Variants in CSTF3 observed in about 807,000 individuals in gnomAD.
CSTF3 encodes CF-1 77 kDa subunit.
In CSTF3, 29 loss-of-function variants were observed where a neutral mutation model predicts 105.8. The ratio of observed to expected loss-of-function variants is 0.27; its 90% CI spans 0.20 to 0.37. The LOEUF (loss-of-function observed/expected upper bound fraction) is 0.37. Among genes scored for constraint, CSTF3 ranks in the 10% least tolerant of loss-of-function variants. CSTF3 has a pLI of 1.00. For synonymous variants in CSTF3, 252 were observed against 281.9 expected (o/e 0.89, Z 1.06); for missense variants, 357 against 879.3 (o/e 0.41, Z 7.51).
At chr11:33,149,490 T>C (rs1051125740) in intron 1 of CSTF3, among the ~76,000 whole-genome samples, 18 of 152,208 alleles carry the variant, frequency 1.2e-4, no homozygotes, top group Non-Finnish European at 5.9e-5. Flanking sequence ...GTTACCATAA[T>C]GCTACTGGGC....
rs564139223 is a variant in CSTF3, at chr11:33,114,621, C to T, written c.226-6203G>A. On this transcript the variant is annotated intron_variant, in intron 3 of 20. Transcript: ENST00000323959. Reference sequence around the variant, plus strand: ...ATCCCAGCACTTTGGGAGGCCGAGGCGGGTGGATCACCTGAGGTCCGGAGT... The same window carrying T: ...ATCCCAGCACTTTGGGAGGCCGAGGTGGGTGGATCACCTGAGGTCCGGAGT... 9.7e-4 allele frequency among the ~76,000 whole-genome samples: 148 copies of T among 152,136 alleles called. 1 individual carries two copies. The highest frequency in any genetic ancestry group is 4.8e-3 in the South Asian group (23 of 4,804).
At position 33,161,259 on chromosome 11, in the gene CSTF3, G is replaced by A. The variant is rs1037174488; in HGVS notation, c.27+40C>T. On this transcript the variant is annotated intron_variant, in intron 1 of 20. Transcript: ENST00000323959. ...GAGCAGTCGGAGGAACAGACGTGGA[G>A]AAGAGGTCGCCACGAGGCCCCACCA... The A allele has an allele frequency of 6.2e-6, 10 of 1,611,398 alleles. No homozygotes were observed. In the South Asian group the frequency reaches 1.1e-4, roughly 18 times the overall value.
Position 33,087,072 on chromosome 11 carries a change from G to A in CSTF3, c.1711C>T (p.Leu571=). Residue 571 remains leucine, a synonymous_variant, in exon 18 of 21, where the codon CTG becomes TTG. Transcript: ENST00000323959. ...PVVAPSIVPV[L]KDEVDRKPEY... ...GGTTTTCTATCCACTTCATCTTTCA[G>A]AACAGGCACTATAGAAGGAGCTACA... is the stretch of plus-strand genomic sequence containing the variant. The A allele has an allele frequency of 6.2e-7, 1 of 1,614,112 alleles. No individual in the cohort carries two copies. The highest frequency in any genetic ancestry group is 8.5e-7 in the Non-Finnish European group (1 of 1,179,998).
intron 1 of CSTF3, among the ~76,000 whole-genome samples, chr11:33,149,785 G>A (rs1311114287): frequency 1.3e-5 from 2 of 152,150 alleles, no homozygotes; most frequent in Non-Finnish European, 2.9e-5. Flanking sequence ...TTGGGAGGCC[G>A]AGGCAGGTGG....
At chr11:33,129,162 G>C (rs1855573340) in intron 3 of CSTF3, among the ~76,000 whole-genome samples, 1 of 152,154 alleles carries the variant, frequency 6.6e-6, no homozygotes, top group Admixed American at 6.5e-5. Context: ...CATGATCTTG[G>C]CTCACTGCAA....
intron 1 of CSTF3, among the ~76,000 whole-genome samples, chr11:33,154,372 T>C (rs534961946): frequency 1.3e-5 from 2 of 152,272 alleles, no homozygotes; most frequent in South Asian, 4.1e-4. Flanking sequence ...CCAAGTGAAT[T>C]TTTTGCTAAA....
chr11:33,089,216 C>T (rs1855140481), intron 17 of CSTF3, among the ~76,000 whole-genome samples: 2 of 151,810 alleles, frequency 1.3e-5, no homozygotes, highest in South Asian at 4.2e-4. Flanking sequence ...GATGTGGTGG[C>T]ATTTGCCTGT....
intron 3 of CSTF3, among the ~76,000 whole-genome samples, chr11:33,134,794 T>C (rs932118983): frequency 2.6e-5 from 4 of 152,146 alleles, no homozygotes; most frequent in Non-Finnish European, 5.9e-5. Context: ...CAGATCTTTC[T>C]AGTGAAAAGC....
At chr11:33,095,745 CCA>C (rs1855214515) in intron 15 of CSTF3, among the ~76,000 whole-genome samples, 1 of 151,084 alleles carries the variant, frequency 6.6e-6, no homozygotes, top group African/African-American at 2.4e-5. Context: ...GGCGTGAACC[CCA>C]GGGGGCGGAG....
intron 1 of CSTF3, among the ~76,000 whole-genome samples, chr11:33,153,041 T>C (rs1849808189): frequency 6.6e-6 from 1 of 152,014 alleles, no homozygotes; most frequent in Non-Finnish European, 1.5e-5. Flanking sequence ...AAAATTAAAG[T>C]ATTTAATTCA....
chr11:33,136,809 A>T (rs1287808195), intron 3 of CSTF3, among the ~76,000 whole-genome samples: 1 of 151,894 alleles, frequency 6.6e-6, no homozygotes, highest in Non-Finnish European at 1.5e-5. Context: ...ACAGGGATAG[A>T]GTTTTGAACC....
intron 1 of CSTF3, among the ~76,000 whole-genome samples, chr11:33,159,070 T>C (rs1849902795): frequency 1.3e-5 from 2 of 151,956 alleles, no homozygotes; most frequent in African/African-American, 4.8e-5. Flanking sequence ...GGTGGGGAAA[T>C]GGTATGGTGG....
chr11:33,118,666 G>A (rs1855457763), intron 3 of CSTF3, among the ~76,000 whole-genome samples: 2 of 151,156 alleles, frequency 1.3e-5, no homozygotes, highest in Non-Finnish European at 3.0e-5. Flanking sequence ...AATTAAAATT[G>A]AGACTAAGAA....
chr11:33,141,182 T>A (rs986896588), intron 3 of CSTF3: 1 of 153,262 alleles, frequency 6.5e-6, no homozygotes, highest in Non-Finnish European at 1.5e-5. Flanking sequence ...ATTATTGAAG[T>A]GCTTACATTG....
intron 3 of CSTF3, among the ~76,000 whole-genome samples, chr11:33,131,331 T>C (rs1298704802): frequency 6.6e-6 from 1 of 152,186 alleles, no homozygotes; most frequent in Non-Finnish European, 1.5e-5. Context: ...AATCCATTTT[T>C]TCAAATGCCC....
intron 3 of CSTF3, among the ~76,000 whole-genome samples, chr11:33,123,993 C>G (rs1435880368): frequency 6.6e-6 from 1 of 151,908 alleles, no homozygotes; most frequent in Non-Finnish European, 1.5e-5. Context: ...AAACACATAT[C>G]TATATTTTCA....
intron 10 of CSTF3, among the ~76,000 whole-genome samples, chr11:33,101,533 G>C (rs1376441811): frequency 6.6e-6 from 1 of 152,162 alleles, no homozygotes; most frequent in Non-Finnish European, 1.5e-5. Context: ...AACTAAAACA[G>C]ACCTGTCTTC....
chr11:33,125,822 A>G (rs922651026), intron 3 of CSTF3, among the ~76,000 whole-genome samples: 2 of 152,174 alleles, frequency 1.3e-5, no homozygotes, highest in Non-Finnish European at 2.9e-5. Context: ...GGGCCAAAAC[A>G]GTTTAGGCAT....
chr11:33,150,219 T>TAAAAAAAAAAAAA, intron 1 of CSTF3, among the ~76,000 whole-genome samples: 1 of 104,390 alleles, frequency 9.6e-6, no homozygotes, highest in Non-Finnish European at 1.9e-5. Context: ...TGTCTCAAAC[T>TAAAAAAAAAAAAA]AAAAAAAAAA....
Sources: allele counts gnomAD v4.1 joint callset (sites outside exome capture counted in the v4.1 genomes callset), GRCh38; gene constraint gnomAD v4.1.1; transcripts MANE v1.5; gene names NCBI Gene and HGNC (gene_info 2026-07-23, HGNC 2026-07-21).